WDR7: variants seen among roughly 807,000 people sequenced by gnomAD.
The protein encoded by WDR7 is WD repeat-containing protein 7.
WDR7 carries 46 observed loss-of-function variants against 169.4 expected under a neutral mutation model. That is an observed-to-expected ratio of 0.27 (90% confidence interval 0.21 to 0.35). The LOEUF is 0.35. Ranked by LOEUF, WDR7 falls within the 10% of genes least tolerant of loss-of-function variation. WDR7 has a pLI of 1.00. For missense variants in WDR7, 1,534 were observed against 1,859.3 expected (o/e 0.83, Z 3.22); for synonymous variants, 612 against 666.8 (o/e 0.92, Z 1.27).
intron 13 of WDR7, among the ~76,000 whole-genome samples, chr18:56,730,493 G>A (rs1224752264): frequency 3.3e-5 from 5 of 152,190 alleles, no homozygotes; most frequent in Non-Finnish European, 5.9e-5. Context: ...TAGGCCGGGC[G>A]TGGTGGCTCA....
chr18:56,681,007 A>G (rs2025340695), intron 3 of WDR7, among the ~76,000 whole-genome samples: 1 of 152,118 alleles, frequency 6.6e-6, no homozygotes, highest in Admixed American at 6.6e-5. Flanking sequence ...AGAGCTCTGG[A>G]AAGCCTTGCA....
chr18:56,804,582 A>G (rs2044736013), intron 19 of WDR7, among the ~76,000 whole-genome samples: 1 of 152,296 alleles, frequency 6.6e-6, no homozygotes, highest in African/African-American at 2.4e-5. Context: ...GAGTCAGTGA[A>G]CCTATTCATA....
At chr18:56,862,293 A>G (rs1315095679) in intron 20 of WDR7, among the ~76,000 whole-genome samples, 2 of 151,690 alleles carry the variant, frequency 1.3e-5, no homozygotes, top group African/African-American at 4.8e-5. Context: ...TTTTGAAGAT[A>G]TTTACATTAT....
chr18:56,998,978 C>G (rs2047937173), intron 26 of WDR7, among the ~76,000 whole-genome samples: 1 of 152,174 alleles, frequency 6.6e-6, no homozygotes, highest in South Asian at 2.1e-4. Context: ...AACAGTTTTT[C>G]CAACTACTAG....
intron 1 of WDR7, among the ~76,000 whole-genome samples, chr18:56,654,627 A>T (rs1381840492): frequency 1.3e-5 from 2 of 152,122 alleles, no homozygotes; most frequent in East Asian, 3.8e-4. Flanking sequence ...TTTGTCTGTA[A>T]TCTTTCTCAT....
chr18:56,752,462 C>T (rs1006537557), intron 14 of WDR7, among the ~76,000 whole-genome samples: 1 of 152,112 alleles, frequency 6.6e-6, no homozygotes, highest in Admixed American at 6.5e-5. Context: ...TGGCACCATT[C>T]ATCCAACATT....
At chr18:56,676,510 A>C (rs2025247315) in intron 2 of WDR7, among the ~76,000 whole-genome samples, 2 of 152,070 alleles carry the variant, frequency 1.3e-5, no homozygotes, top group South Asian at 4.1e-4. Context: ...AGGTGATACG[A>C]TTTATTTTCT....
At chr18:56,749,559 A>G (rs1161321736) in intron 14 of WDR7, among the ~76,000 whole-genome samples, 1 of 152,040 alleles carries the variant, frequency 6.6e-6, no homozygotes, top group Non-Finnish European at 1.5e-5. Context: ...GCTTGCTGGT[A>G]TAAATAAACT....
At chr18:56,793,611 A>T (rs1364312954) in intron 19 of WDR7, among the ~76,000 whole-genome samples, 1 of 152,196 alleles carries the variant, frequency 6.6e-6, no homozygotes, top group Non-Finnish European at 1.5e-5. Flanking sequence ...AGGAATTCTT[A>T]TGTAATTAAT....
At chr18:56,871,544 G>A (rs1050154101) in intron 20 of WDR7, among the ~76,000 whole-genome samples, 3 of 151,972 alleles carry the variant, frequency 2.0e-5, no homozygotes, top group Admixed American at 6.5e-5. Context: ...CTTTGTACAC[G>A]TATGATTCTC....
chr18:56,951,759 T>C (rs947765863), intron 25 of WDR7, among the ~76,000 whole-genome samples: 5 of 152,120 alleles, frequency 3.3e-5, no homozygotes, highest in Non-Finnish European at 7.4e-5. Flanking sequence ...ACACTATGTA[T>C]ATAGTCTGCT....
chr18:56,671,354 T>A (rs1221845064), intron 1 of WDR7, among the ~76,000 whole-genome samples: 1 of 150,808 alleles, frequency 6.6e-6, no homozygotes, highest in East Asian at 2.0e-4. Context: ...AATGGTGCGA[T>A]CTTGGCTCAC....
At chr18:56,807,256 G>C (rs982192300) in intron 19 of WDR7, among the ~76,000 whole-genome samples, 5 of 151,992 alleles carry the variant, frequency 3.3e-5, no homozygotes, top group African/African-American at 1.2e-4. Context: ...TATAGTTTGA[G>C]TTTCTAAATC....
chr18:56,730,345 A>G lies in WDR7; in HGVS notation c.1775-1038A>G, dbSNP rs2026555340. ...CAGAGAATAACTCATTGAAAATGTA[A>G]CATTAAGAGCTTGAAAGGTGGGTGA... On this transcript the variant is annotated intron_variant, in intron 13 of 27. Transcript: ENST00000254442. Among the ~76,000 whole-genome samples, 4 of 152,368 alleles carry G rather than the reference A, an allele frequency of 2.6e-5. No individual in the cohort carries two copies. The East Asian group carries it at 7.7e-4, about 29-fold the overall frequency.
At chr18:56,703,256 C>T (rs1411391195) in intron 12 of WDR7, among the ~76,000 whole-genome samples, 1 of 152,092 alleles carries the variant, frequency 6.6e-6, no homozygotes, top group Non-Finnish European at 1.5e-5. Context: ...TGTGTGTATA[C>T]CAGTGTGGCT....
chr18:56,845,217 C>T (rs2045550191), intron 20 of WDR7, among the ~76,000 whole-genome samples: 1 of 152,000 alleles, frequency 6.6e-6, no homozygotes. Flanking sequence ...TCTTTACTAA[C>T]CAAAAGATTT....
At chr18:56,988,648 G>A (rs187633253) in intron 26 of WDR7, among the ~76,000 whole-genome samples, 2 of 142,572 alleles carry the variant, frequency 1.4e-5, no homozygotes, top group African/African-American at 2.6e-5. Flanking sequence ...TAGAGTCGTC[G>A]CAATTTTGCA....
chr18:57,005,774 A>G (rs1267095534), intron 26 of WDR7, among the ~76,000 whole-genome samples: 2 of 152,188 alleles, frequency 1.3e-5, no homozygotes, highest in Non-Finnish European at 2.9e-5. Flanking sequence ...GTCTTGGTCC[A>G]CACACATAAA....
intron 19 of WDR7, among the ~76,000 whole-genome samples, chr18:56,795,377 G>T (rs8099372): frequency 0.15 from 22,536 of 152,108 alleles, 2,212 homozygotes; most frequent in African/African-American, 0.28. Flanking sequence ...CTAGATATGC[G>T]TCTTGCTGTT....
Sources: gnomAD v4.1 joint callset for allele counts (sites outside exome capture counted in the v4.1 genomes callset) on GRCh38, gnomAD v4.1.1 for gene constraint, MANE v1.5 for transcripts, NCBI Gene and HGNC (gene_info 2026-07-23, HGNC 2026-07-21) for gene names.